Variants in TSPAN12 observed in about 807,000 individuals in gnomAD.
TSPAN12 encodes the protein tetraspanin-12.
Under a neutral mutation model 39.2 loss-of-function variants are expected in TSPAN12, and 19 were observed. The observed-to-expected ratio is 0.49, with a 90% CI of 0.34 to 0.71. TSPAN12 has a LOEUF of 0.71. Among genes scored for constraint, TSPAN12 ranks in the 30% least tolerant of loss-of-function variants. The pLI is 0.01. For synonymous variants in TSPAN12, 119 were observed against 124.8 expected (o/e 0.95, Z 0.31); for missense variants, 314 against 359.9 (o/e 0.87, Z 1.03).
At position 120,787,394 on chromosome 7, in the gene TSPAN12, A is replaced by G. The variant is rs1192478036; in HGVS notation, c.*1198T>C. The G allele has an allele frequency of 2.6e-5, 4 of 152,582 alleles. No individual in the cohort carries two copies. Among genetic ancestry groups the G allele is most frequent in the African/African-American group, 7.2e-5 (3 of 41,444 alleles). 9.5% of individuals were successfully genotyped at this position (152,582 alleles called of 1,614,324 possible). ...TCTGAGAAATAAACAAAATACACAA[A>G]ATACAGTAAAATGCACTTTTCCCAT... On this transcript the variant is annotated 3_prime_UTR_variant, in exon 8 of 8. Coordinates refer to ENST00000222747, the MANE Select transcript of TSPAN12 (RefSeq NM_012338.4).
intron 7 of TSPAN12, among the ~76,000 whole-genome samples, chr7:120,805,950 G>A (rs910606710): frequency 1.3e-5 from 2 of 152,042 alleles, no homozygotes; most frequent in African/African-American, 4.8e-5. Flanking sequence ...CTAAAATGGA[G>A]TAATTGATTA....
intron 7 of TSPAN12, among the ~76,000 whole-genome samples, chr7:120,803,791 T>C (rs1173701182): frequency 6.6e-6 from 1 of 152,182 alleles, no homozygotes; most frequent in Admixed American, 6.6e-5. Context: ...CTTGTTTCAA[T>C]TTCAAAATTC....
chr7:120,856,678 G>A lies in TSPAN12; in HGVS notation c.66+20C>T, dbSNP rs1351779813. On this transcript the variant is annotated intron_variant, in intron 2 of 7. Transcript: ENST00000222747. ...CAGAGCCAGCCGTTCCCACCTGTTGGTGCAGTGAAACTTACTTACCCAAAA... is the reference window on the plus strand; with the variant it reads ...CAGAGCCAGCCGTTCCCACCTGTTGATGCAGTGAAACTTACTTACCCAAAA... The A allele has an allele frequency of 1.9e-6, 3 of 1,613,756 alleles. No homozygotes were observed. The highest frequency in any genetic ancestry group is 2.7e-5 in the African/African-American group (2 of 74,916).
chr7:120,801,942 T>C (rs920178118), intron 7 of TSPAN12, among the ~76,000 whole-genome samples: 5 of 152,244 alleles, frequency 3.3e-5, no homozygotes, highest in African/African-American at 1.2e-4. Context: ...AGTATCATTT[T>C]TTCCTTGAAG....
At chr7:120,812,602 G>A (rs1490532808) in intron 5 of TSPAN12, among the ~76,000 whole-genome samples, 1 of 150,686 alleles carries the variant, frequency 6.6e-6, no homozygotes, top group African/African-American at 2.4e-5. Flanking sequence ...CTTTTTTTTT[G>A]ATTACTTGGA....
chr7:120,835,457 T>C (rs1003764005), intron 4 of TSPAN12, among the ~76,000 whole-genome samples: 22 of 152,212 alleles, frequency 1.4e-4, no homozygotes, highest in African/African-American at 5.1e-4. Context: ...TATTATAGAG[T>C]AAAATGGCAA....
intron 5 of TSPAN12, among the ~76,000 whole-genome samples, chr7:120,814,793 T>TA (rs1482897023): frequency 1.3e-5 from 2 of 152,054 alleles, no homozygotes; most frequent in African/African-American, 2.4e-5. Context: ...AAATAAAAGA[T>TA]AAAAAAATGA....
intron 5 of TSPAN12, among the ~76,000 whole-genome samples, chr7:120,814,527 A>G (rs928482699): frequency 1.5e-4 from 23 of 152,228 alleles, no homozygotes; most frequent in Non-Finnish European, 2.9e-4. Flanking sequence ...GTTTGTGGGG[A>G]AAAAGTCTGG....
At chr7:120,839,262 C>G (rs1794535121) in intron 3 of TSPAN12, among the ~76,000 whole-genome samples, 1 of 152,148 alleles carries the variant, frequency 6.6e-6, no homozygotes, top group Non-Finnish European at 1.5e-5. Flanking sequence ...TATTTCCCAG[C>G]TGGGAGGAAT....
chr7:120,827,273 A>G (rs932185659), intron 4 of TSPAN12, among the ~76,000 whole-genome samples: 114 of 152,204 alleles, frequency 7.5e-4, no homozygotes, highest in African/African-American at 2.5e-3. Context: ...TTGTTAAAAA[A>G]GGGTATTAAA....
At chr7:120,844,256 G>A (rs529428828) in intron 2 of TSPAN12, among the ~76,000 whole-genome samples, 56 of 152,186 alleles carry the variant, frequency 3.7e-4, no homozygotes, top group East Asian at 3.7e-3. Flanking sequence ...ATGAGATTTC[G>A]GTGGGGACAC....
intron 4 of TSPAN12, among the ~76,000 whole-genome samples, chr7:120,830,148 A>T (rs1794363453): frequency 6.6e-6 from 1 of 152,070 alleles, no homozygotes; most frequent in Non-Finnish European, 1.5e-5. Flanking sequence ...GAAATTGAAG[A>T]TGACACAAAC....
At chr7:120,804,503 C>T (rs1056701054) in intron 7 of TSPAN12, among the ~76,000 whole-genome samples, 1 of 152,138 alleles carries the variant, frequency 6.6e-6, no homozygotes, top group Non-Finnish European at 1.5e-5. Context: ...TATTCCTTTT[C>T]ATTCAAAGCC....
At chr7:120,814,096 G>A in intron 5 of TSPAN12, 1 of 425,384 alleles carries the variant, frequency 2.4e-6, no homozygotes, top group South Asian at 1.8e-5. Flanking sequence ...AAATTGGAGT[G>A]TGCAGAGTAG....
intron 6 of TSPAN12, among the ~76,000 whole-genome samples, chr7:120,807,644 T>C (rs1793900205): frequency 6.6e-6 from 1 of 152,088 alleles, no homozygotes; most frequent in Non-Finnish European, 1.5e-5. Context: ...TCATAAAATA[T>C]CACAATCCCC....
At chr7:120,843,917 G>A (rs1350205930) in intron 2 of TSPAN12, among the ~76,000 whole-genome samples, 1 of 152,152 alleles carries the variant, frequency 6.6e-6, no homozygotes, top group Admixed American at 6.5e-5. Context: ...TGGTGTATTA[G>A]TCCATTCTCA....
chr7:120,800,744 G>GTTTTT lies in TSPAN12; in HGVS notation c.612+5800_612+5804dup, dbSNP rs148802163. ...CTGCTGAAATAAAGTTTTCCTTATC[G>GTTTTT]TTTTTTTTTGTTTTTTTTTTTTGAG... On this transcript the variant is annotated intron_variant, in intron 7 of 7. Coordinates refer to ENST00000222747, the MANE Select transcript of TSPAN12 (RefSeq NM_012338.4). Among the ~76,000 whole-genome samples, 382 of 118,696 alleles carry GTTTTT rather than the reference G, an allele frequency of 3.2e-3. 92 individuals carry two copies. The highest frequency in any genetic ancestry group is 6.4e-3 in the African/African-American group (202 of 31,388). 77.9% of individuals were successfully genotyped at this position (118,696 alleles called of 152,430 possible). A position where few individuals can be genotyped will look rare whatever the true frequency, so the allele number is the denominator to read the frequency against.
intron 7 of TSPAN12, among the ~76,000 whole-genome samples, chr7:120,791,916 T>C (rs78405879): frequency 0.04 from 6,029 of 152,218 alleles, 449 homozygotes; most frequent in East Asian, 0.31. Flanking sequence ...TAGAGTGACA[T>C]AGCAAAACTG....
At chr7:120,827,381 TAC>T (rs1358642695) in intron 4 of TSPAN12, among the ~76,000 whole-genome samples, 2 of 152,190 alleles carry the variant, frequency 1.3e-5, no homozygotes, top group African/African-American at 2.4e-5. Flanking sequence ...TTCATGCACA[TAC>T]ACTTTGTTCC....
Sources: allele counts gnomAD v4.1 joint callset (sites outside exome capture counted in the v4.1 genomes callset), GRCh38; gene constraint gnomAD v4.1.1; transcripts MANE v1.5; gene names NCBI Gene and HGNC (gene_info 2026-07-23, HGNC 2026-07-21).